Variants in SLC38A4 observed in about 807,000 individuals in gnomAD.
The protein encoded by SLC38A4 is sodium-coupled neutral amino acid transporter 4.
SLC38A4 carries 20 observed loss-of-function variants against 63.1 expected under a neutral mutation model. That is an observed-to-expected ratio of 0.32 (90% confidence interval 0.22 to 0.46). SLC38A4 has a LOEUF of 0.46. Among genes scored for constraint, SLC38A4 ranks in the 20% least tolerant of loss-of-function variants. SLC38A4 has a pLI of 1.00. For missense variants in SLC38A4, 526 were observed against 663.6 expected (o/e 0.79, Z 2.28); for synonymous variants, 230 against 225.5 (o/e 1.02, Z -0.18).
intron 1 of SLC38A4, among the ~76,000 whole-genome samples, chr12:46,818,840 G>A (rs926540823): frequency 6.6e-6 from 1 of 151,922 alleles, no homozygotes; most frequent in East Asian, 1.9e-4. Flanking sequence ...TTGAGCAAGT[G>A]CCTCTGGGTG....
At chr12:46,780,486 C>T (rs1165191789) in intron 7 of SLC38A4, among the ~76,000 whole-genome samples, 2 of 151,926 alleles carry the variant, frequency 1.3e-5, no homozygotes, top group East Asian at 1.9e-4. Context: ...TCTAGTCCTC[C>T]GGGACCTATC....
At chr12:46,822,898 T>C (rs993679132) in intron 1 of SLC38A4, among the ~76,000 whole-genome samples, 1 of 152,220 alleles carries the variant, frequency 6.6e-6, no homozygotes, top group Non-Finnish European at 1.5e-5. Context: ...TTCTTCAATG[T>C]GGGTACCATG....
intron 1 of SLC38A4, among the ~76,000 whole-genome samples, chr12:46,813,971 A>T (rs1030400637): frequency 6.6e-6 from 1 of 152,070 alleles, no homozygotes; most frequent in Middle Eastern, 3.2e-3. Context: ...TACCGATTTA[A>T]TAAGTCTTTT....
At chr12:46,803,966 G>A (rs1565674162) in intron 1 of SLC38A4, among the ~76,000 whole-genome samples, 172 bp from the exon 2 acceptor site, 1 of 151,950 alleles carries the variant, frequency 6.6e-6, no homozygotes, top group African/African-American at 2.4e-5. Flanking sequence ...TTACTAGGTT[G>A]GTTGACTGAT....
chr12:46,797,763 A>T (rs1391732940), intron 2 of SLC38A4, among the ~76,000 whole-genome samples: 1 of 152,126 alleles, frequency 6.6e-6, no homozygotes, highest in Non-Finnish European at 1.5e-5. Context: ...CTCAAGTTCC[A>T]TGTGTCCAGG....
chr12:46,782,718 CT>C (rs998195616), intron 7 of SLC38A4, among the ~76,000 whole-genome samples: 4 of 151,156 alleles, frequency 2.6e-5, no homozygotes, highest in African/African-American at 9.7e-5. Flanking sequence ...ATACAGAACA[CT>C]TATTATGTGC....
chr12:46,829,906 G>T (rs1282285336), upstream of SLC38A4, among the ~76,000 whole-genome samples: 1 of 152,060 alleles, frequency 6.6e-6, no homozygotes, highest in Non-Finnish European at 1.5e-5. Context: ...CTATAAAATG[G>T]GTATAATAAT....
intron 2 of SLC38A4, among the ~76,000 whole-genome samples, chr12:46,799,856 CA>C (rs1181671084): frequency 6.6e-6 from 1 of 152,108 alleles, no homozygotes; most frequent in Admixed American, 6.6e-5. Flanking sequence ...CTATGGAAGA[CA>C]CAGAGGATGA....
At chr12:46,813,611 T>C (rs1217961623) in intron 1 of SLC38A4, among the ~76,000 whole-genome samples, 1 of 152,054 alleles carries the variant, frequency 6.6e-6, no homozygotes, top group African/African-American at 2.4e-5. Context: ...TTTGTTTACA[T>C]GCCTGCCCTT....
At chr12:46,794,055 C>T (rs1938950694) in intron 2 of SLC38A4, among the ~76,000 whole-genome samples, 3 of 152,072 alleles carry the variant, frequency 2.0e-5, no homozygotes, top group South Asian at 2.1e-4. Flanking sequence ...GTTGAACCAT[C>T]GTATTAGGAG....
rs533111814 is a variant in SLC38A4 at position 46,788,202 on chromosome 12, G to A, written c.211-171C>T. On this transcript the variant is annotated intron_variant, in intron 4 of 16. Coordinates refer to ENST00000266579, the MANE Select transcript of SLC38A4 (RefSeq NM_018018.5). Reference sequence around the variant, plus strand: ...TCAATAAAAGCATGTAATTTTCAACGGAATGCAGTGCTTGGTTTCAGCAGA... The same window carrying A: ...TCAATAAAAGCATGTAATTTTCAACAGAATGCAGTGCTTGGTTTCAGCAGA... 3.2e-4 allele frequency among the ~76,000 whole-genome samples: 49 copies of A among 152,238 alleles called. 1 individual carries two copies. The highest frequency in any genetic ancestry group is 9.1e-4 in the African/African-American group (38 of 41,560).
At chr12:46,796,464 A>C (rs1939007389) in intron 2 of SLC38A4, among the ~76,000 whole-genome samples, 1 of 152,090 alleles carries the variant, frequency 6.6e-6, no homozygotes, top group Non-Finnish European at 1.5e-5. Flanking sequence ...ATATTTGTGA[A>C]TGACAGAGCG....
chr12:46,787,918 A>G lies in SLC38A4; in HGVS notation c.324T>C (p.Phe108=). 3 of 1,609,534 alleles carry G rather than the reference A, an allele frequency of 1.9e-6. No homozygotes were observed. The highest frequency in any genetic ancestry group is 2.6e-6 in the Non-Finnish European group (3 of 1,176,342). ...YAMANTGIIL[F]IIMLLAVAIL... ...TGTAGACATATACATTCACTTACAT[A>G]AAAAGTATGATCCCTGTGTTGGCCA... Residue 108 remains phenylalanine (F), a splice_region_variant and synonymous_variant, in exon 5 of 17, where the codon TTT becomes TTC. Transcript: ENST00000266579.
At chr12:46,822,692 C>T (rs1462641835) in intron 1 of SLC38A4, among the ~76,000 whole-genome samples, 1 of 152,116 alleles carries the variant, frequency 6.6e-6, no homozygotes, top group Non-Finnish European at 1.5e-5. Context: ...ACTTCAGAGA[C>T]AGAAGAGTGG....
intron 2 of SLC38A4, among the ~76,000 whole-genome samples, chr12:46,796,490 A>G (rs2120842721): frequency 6.6e-6 from 1 of 152,136 alleles, no homozygotes; most frequent in Non-Finnish European, 1.5e-5. Context: ...ATTAGCTTGG[A>G]CAGCTGGTAC....
chr12:46,831,988 AC>A (rs1349196296), intron 1 of SLC38A4, among the ~76,000 whole-genome samples: 1 of 151,940 alleles, frequency 6.6e-6, no homozygotes, highest in Non-Finnish European at 1.5e-5. Flanking sequence ...CCTTGGCACA[AC>A]CGCTTCTCCT....
intron 2 of SLC38A4, among the ~76,000 whole-genome samples, chr12:46,795,212 T>C (rs953560315): frequency 2.6e-5 from 4 of 152,086 alleles, no homozygotes; most frequent in African/African-American, 4.8e-5. Flanking sequence ...AGCATACTTT[T>C]TCTTTCTTTC....
intron 14 of SLC38A4, among the ~76,000 whole-genome samples, chr12:46,773,180 C>A (rs561741645): frequency 1.3e-5 from 2 of 152,060 alleles, no homozygotes; most frequent in Non-Finnish European, 2.9e-5. Flanking sequence ...CAGCTGAATT[C>A]GTAGCACATG....
At chr12:46,815,148 A>G (rs903765845) in intron 1 of SLC38A4, among the ~76,000 whole-genome samples, 3 of 151,088 alleles carry the variant, frequency 2.0e-5, no homozygotes, top group Admixed American at 1.3e-4. Flanking sequence ...ATTATTTGAG[A>G]ATAATTGAAT....
Sources: allele counts gnomAD v4.1 joint callset (sites outside exome capture counted in the v4.1 genomes callset), GRCh38; gene constraint gnomAD v4.1.1; transcripts MANE v1.5; gene names NCBI Gene and HGNC (gene_info 2026-07-23, HGNC 2026-07-21).